Variants in KCNMA1 observed in about 807,000 individuals in gnomAD.
KCNMA1 encodes potassium calcium-activated channel subfamily M alpha 1.
A neutral mutation model predicts 140.0 loss-of-function variants in KCNMA1; 29 were observed. That is an observed-to-expected ratio of 0.21 (90% confidence interval 0.15 to 0.28). The LOEUF is 0.28. KCNMA1 is among the 10% of genes least tolerant of loss of function. The pLI is 1.00. For synonymous variants in KCNMA1, 612 were observed against 611.9 expected (o/e 1.00, Z 0.00); for missense variants, 880 against 1,602.2 (o/e 0.55, Z 7.70).
At chr10:77,593,093 A>G (rs997367438) in intron 1 of KCNMA1, among the ~76,000 whole-genome samples, 4 of 152,154 alleles carry the variant, frequency 2.6e-5, no homozygotes, top group African/African-American at 9.7e-5. Flanking sequence ...TGCGCCCAGA[A>G]CCTTGAGCAG....
intron 1 of KCNMA1, among the ~76,000 whole-genome samples, chr10:77,496,254 C>T (rs1480938932): frequency 2.6e-5 from 4 of 152,062 alleles, no homozygotes; most frequent in African/African-American, 9.7e-5. Flanking sequence ...GATAAGAGAC[C>T]ACCTCATGCA....
chr10:77,346,446 G>A (rs1419252866), intron 2 of KCNMA1, among the ~76,000 whole-genome samples: 4 of 152,070 alleles, frequency 2.6e-5, no homozygotes, highest in Non-Finnish European at 4.4e-5. Context: ...CATTTGTTTT[G>A]TTTTTGTCCC....
intron 19 of KCNMA1, among the ~76,000 whole-genome samples, chr10:76,985,330 C>T (rs934954428): frequency 3.3e-5 from 5 of 152,198 alleles, no homozygotes; most frequent in African/African-American, 9.7e-5. Flanking sequence ...AACTTAATCA[C>T]TTACATAAAA....
intron 2 of KCNMA1, among the ~76,000 whole-genome samples, chr10:77,374,143 C>T (rs2094925684): frequency 6.6e-6 from 1 of 152,196 alleles, no homozygotes; most frequent in Non-Finnish European, 1.5e-5. Context: ...GAGACAAACC[C>T]TTCCCCAGGT....
chr10:77,576,374 T>C (rs1480851261), intron 1 of KCNMA1, among the ~76,000 whole-genome samples: 4 of 152,226 alleles, frequency 2.6e-5, no homozygotes, highest in Admixed American at 1.3e-4. Context: ...TCCCCACCTC[T>C]ACCTCTTAGC....
chr10:77,283,053 T>C (rs934217255), intron 2 of KCNMA1, among the ~76,000 whole-genome samples: 2 of 152,164 alleles, frequency 1.3e-5, no homozygotes, highest in Non-Finnish European at 2.9e-5. Flanking sequence ...CAACATAAGC[T>C]TTGGAGCCAA....
In KCNMA1 at chr10:77,061,283, C is replaced by A. The variant is rs569538443; in HGVS notation, c.1749+11814G>T. Among the ~76,000 whole-genome samples the A allele has an allele frequency of 3.3e-5, 5 of 152,118 alleles. No individual in the cohort carries two copies. In the South Asian group the frequency reaches 1.0e-3, roughly 32 times the overall value. On this transcript the variant is annotated intron_variant, in intron 14 of 27. Coordinates refer to ENST00000286628, the MANE Select transcript of KCNMA1 (RefSeq NM_001161352.2). ...AAATATTTACAAATTGTATATCCAA[C>A]GAGATCCAAAATATATAAAGAATTC...
At chr10:77,434,330 C>T (rs1436890254) in intron 1 of KCNMA1, among the ~76,000 whole-genome samples, 1 of 152,186 alleles carries the variant, frequency 6.6e-6, no homozygotes, top group East Asian at 1.9e-4. Context: ...TGTCTCGTTC[C>T]TGTGGAAAGG....
chr10:77,279,941 A>C (rs776972555), intron 2 of KCNMA1, among the ~76,000 whole-genome samples: 1 of 152,136 alleles, frequency 6.6e-6, no homozygotes, highest in Non-Finnish European at 1.5e-5. Flanking sequence ...CTTTTTCTTT[A>C]TAAATTTCCC....
At position 77,000,858 on chromosome 10, in the gene KCNMA1, ATAT is replaced by A. The variant is rs1210379745; in HGVS notation, c.2266+546_2266+548del. ...GTTAGAGAGACATAGTAAAAAGAAA[ATAT>A]ATATATATATATATATATATATATA... On this transcript the variant is annotated intron_variant, in intron 19 of 27. Coordinates refer to ENST00000286628, the MANE Select transcript of KCNMA1 (RefSeq NM_001161352.2). 3.0e-4 allele frequency among the ~76,000 whole-genome samples: 26 copies of A among 88,108 alleles called. 1 individual carries two copies. Among genetic ancestry groups the A allele is most frequent in the South Asian group, 8.2e-4 (2 of 2,450 alleles). 57.8% of individuals were successfully genotyped at this position (88,108 alleles called of 152,430 possible). A position where few individuals can be genotyped will look rare whatever the true frequency, so the allele number is the denominator to read the frequency against.
At chr10:77,362,523 G>A (rs190005628) in intron 2 of KCNMA1, among the ~76,000 whole-genome samples, 17 of 152,114 alleles carry the variant, frequency 1.1e-4, no homozygotes, top group South Asian at 2.1e-4. Context: ...TCCATAAAGC[G>A]GAGCATGACT....
intron 2 of KCNMA1, among the ~76,000 whole-genome samples, chr10:77,361,322 C>T (rs1385896374): frequency 6.6e-6 from 1 of 152,180 alleles, no homozygotes; most frequent in Non-Finnish European, 1.5e-5. Context: ...GAATTCAGAG[C>T]CTTTTGCTCC....
At chr10:77,043,777 GT>G (rs2094876071) in intron 14 of KCNMA1, among the ~76,000 whole-genome samples, 1 of 152,146 alleles carries the variant, frequency 6.6e-6, no homozygotes, top group South Asian at 2.1e-4. Flanking sequence ...CTTATATGAG[GT>G]ACCTAGAGTC....
chr10:77,123,168 A>G (rs2097658486), intron 5 of KCNMA1, among the ~76,000 whole-genome samples: 1 of 119,380 alleles, frequency 8.4e-6, no homozygotes, highest in Admixed American at 1.1e-4. Context: ...CGACAGAGCG[A>G]GACTCCGTCT....
chr10:77,226,442 G>C (rs1369871224), intron 3 of KCNMA1, among the ~76,000 whole-genome samples: 3 of 151,826 alleles, frequency 2.0e-5, no homozygotes, highest in Non-Finnish European at 4.4e-5. Flanking sequence ...TGTCTTCACT[G>C]GGAGACGTCC....
intron 2 of KCNMA1, among the ~76,000 whole-genome samples, chr10:77,332,950 C>T (rs935977000): frequency 8.5e-5 from 13 of 152,206 alleles, no homozygotes; most frequent in Non-Finnish European, 1.9e-4. Flanking sequence ...AGGTGAAATG[C>T]ACGAAGAGCA....
At chr10:77,523,832 G>A (rs1567320113) in intron 1 of KCNMA1, among the ~76,000 whole-genome samples, 1 of 152,132 alleles carries the variant, frequency 6.6e-6, no homozygotes, top group Non-Finnish European at 1.5e-5. Context: ...AGGCAGGATG[G>A]TTAATGGATA....
At chr10:77,424,148 G>T (rs968129044) in intron 1 of KCNMA1, among the ~76,000 whole-genome samples, 1 of 152,208 alleles carries the variant, frequency 6.6e-6, no homozygotes, top group Non-Finnish European at 1.5e-5. Context: ...AACTACAGCA[G>T]GTTAGTTAAT....
chr10:77,428,402 G>C (rs910474939), intron 1 of KCNMA1, among the ~76,000 whole-genome samples: 7 of 152,206 alleles, frequency 4.6e-5, no homozygotes, highest in Admixed American at 4.6e-4. Context: ...CAGGACTGAG[G>C]GGGTGAAGAG....
Sources: gnomAD v4.1 joint callset for allele counts (sites outside exome capture counted in the v4.1 genomes callset) on GRCh38, gnomAD v4.1.1 for gene constraint, MANE v1.5 for transcripts, NCBI Gene and HGNC (gene_info 2026-07-23, HGNC 2026-07-21) for gene names.